NLRP12: variants seen among roughly 807,000 people sequenced by gnomAD.
NLRP12 encodes NACHT, LRR and PYD domains-containing protein 12.
In NLRP12, 108 loss-of-function variants were observed where a neutral mutation model predicts 91.2. That is an observed-to-expected ratio of 1.18 (90% confidence interval 1.01 to 1.39). The LOEUF (loss-of-function observed/expected upper bound fraction) is 1.39, where lower values mean the gene tolerates loss of function less well. Ranked by LOEUF, NLRP12 falls within the 40% of genes most tolerant of loss-of-function variation. The pLI is 0.00. For missense variants in NLRP12, 1,530 were observed against 1,352.7 expected, an observed-to-expected ratio of 1.13 and a Z score of -2.06; for synonymous variants, 613 against 566.7, an observed-to-expected ratio of 1.08 and a Z score of -1.16.
intron 1 of NLRP12, among the ~76,000 whole-genome samples, chr19:53,823,491 T>C (rs370751503): frequency 0.092 from 6,782 of 73,786 alleles, 433 homozygotes; most frequent in Non-Finnish European, 0.11. Flanking sequence ...TATTTTAAAA[T>C]ATATTTATTT....
chr19:53,824,196 G>A lies in NLRP12; in HGVS notation c.-22C>T, dbSNP rs915033946. 1 of 1,612,642 alleles carries A rather than the reference G, an allele frequency of 6.2e-7. No individual in the cohort carries two copies. Among genetic ancestry groups the A allele is most frequent in the Non-Finnish European group, 8.5e-7 (1 of 1,179,804 alleles). On this transcript the variant is annotated 5_prime_UTR_variant, in exon 1 of 10. Coordinates refer to ENST00000324134, the MANE Select transcript of NLRP12 (RefSeq NM_144687.4). ...GCATGGGGGTGCCGTGAGCCCCAAA[G>A]GAGAGGACCTGGAGGCTGAGATGCT...
rs1418495574 is a variant in NLRP12, at chr19:53,795,194, C to A, written c.3098+665G>T. 2.6e-5 allele frequency among the ~76,000 whole-genome samples: 4 copies of A among 151,846 alleles called. No homozygotes were observed. In the South Asian group the frequency reaches 8.3e-4, roughly 32 times the overall value. On this transcript the variant is annotated intron_variant, in intron 9 of 9. Transcript: ENST00000324134. The stretch of plus-strand genomic sequence containing the variant: ...AAAGTACTGGGATTACAGGCGCCAT[C>A]CCCTGCACCCAGCCTAAACTTTGAT...
Position 53,818,102 on chromosome 19 carries a change from G to A in NLRP12, c.290-3114C>T, listed in dbSNP as rs992443781. ...TGGTTGGCAATTTTTTTTTTTTTTT[G>A]AGAGAGGGTCTTGCTCTGTTGCTCA... is the stretch of plus-strand genomic sequence containing the variant. On this transcript the variant is annotated intron_variant, in intron 1 of 9. Transcript: ENST00000324134. Among the ~76,000 whole-genome samples, 19 of 102,134 alleles carry A rather than the reference G, an allele frequency of 1.9e-4. 1 individual carries two copies. In the East Asian group the frequency reaches 2.9e-3, roughly 16 times the overall value. 67.0% of individuals were successfully genotyped at this position (102,134 alleles called of 152,430 possible). A position where few individuals can be genotyped will look rare whatever the true frequency, so the allele number is the denominator to read the frequency against.
At chr19:53,819,570 TGC>T (rs1491008263) in intron 1 of NLRP12, among the ~76,000 whole-genome samples, 1 of 90,962 alleles carries the variant, frequency 1.1e-5, no homozygotes. Flanking sequence ...CGTATATATA[TGC>T]GTATATATGT....
chr19:53,797,365 T>C (rs8103808), intron 8 of NLRP12, among the ~76,000 whole-genome samples: 49,023 of 151,778 alleles, frequency 0.32, 8,560 homozygotes, highest in African/African-American at 0.47. Flanking sequence ...CCTCATGATC[T>C]GTCCGCCTTG....
At chr19:53,812,368 G>A (rs1046798631) in intron 2 of NLRP12, among the ~76,000 whole-genome samples, 1 of 147,710 alleles carries the variant, frequency 6.8e-6, no homozygotes, top group Non-Finnish European at 1.5e-5. Flanking sequence ...GTAAGAGATC[G>A]CCCCACTGCA....
Position 53,807,604 on chromosome 19 carries a change from T to C in NLRP12, c.2134A>G (p.Asn712Asp), listed in dbSNP as rs763101445. ...SEHLAAALCT[N>D]PNLIELSLYR... The stretch of plus-strand genomic sequence containing the variant: ...AGAGACAGCTCTATCAGGTTTGGAT[T>C]GGTGCACAGGGCCGCTGCCAGATGT... Residue 712 changes from asparagine (N) to aspartate (D), a missense_variant, in exon 4 of 10, where the codon AAT becomes GAT. Asn to Asp is a conservative substitution (Grantham distance 23). Coordinates refer to ENST00000324134, the MANE Select transcript of NLRP12 (RefSeq NM_144687.4). 2 of 1,614,162 alleles carry C rather than the reference T, an allele frequency of 1.2e-6. No homozygotes were observed. The highest frequency in any genetic ancestry group is 2.2e-5 in the South Asian group (2 of 91,088).
At position 53,798,304 on chromosome 19, in the gene NLRP12, A is replaced by C; in HGVS notation, c.2866T>G (p.Trp956Gly). 1 of 1,614,138 alleles carries C rather than the reference A, an allele frequency of 6.2e-7. No individual in the cohort carries two copies. The highest frequency in any genetic ancestry group is 8.5e-7 in the Non-Finnish European group (1 of 1,180,042). ...LDLSFNDLGDWGLWLLAEGLQ... is the reference protein window; with the variant it reads ...LDLSFNDLGDGGLWLLAEGLQ... ...CCCTCAGCCAGCAACCACAGGCCCC[A>C]GTCTCCCAGGTCGTTGAAACTCAAG... The change falls in exon 8 of 10, where the codon TGG (tryptophan) becomes GGG (glycine). Residue 956 changes from tryptophan (W) to glycine (G), a missense_variant. Transcript: ENST00000324134.
intron 1 of NLRP12, among the ~76,000 whole-genome samples, chr19:53,816,573 G>A (rs1251837537): frequency 2.6e-5 from 4 of 152,074 alleles, no homozygotes; most frequent in African/African-American, 9.7e-5. Flanking sequence ...CCAGGCTGGA[G>A]TGCAGTGGCG....
chr19:53,811,302 A>C lies in NLRP12; in HGVS notation c.371-14T>G. 3.1e-6 allele frequency: 5 copies of C among 1,613,468 alleles called. No individual in the cohort carries two copies. Among genetic ancestry groups the C allele is most frequent in the Non-Finnish European group, 4.2e-6 (5 of 1,180,008 alleles). On this transcript the variant is annotated splice_polypyrimidine_tract_variant and intron_variant, in intron 2 of 9. Transcript: ENST00000324134. ...TTTCCTGGGGATCTAGGGGAGAGGA[A>C]TGAAGGTTTTGTGGAAGACTCATCA...
At chr19:53,811,862 G>A (rs1019108506) in intron 2 of NLRP12, among the ~76,000 whole-genome samples, 8 of 152,050 alleles carry the variant, frequency 5.3e-5, no homozygotes, top group African/African-American at 1.9e-4. Context: ...ACTGTGTCCA[G>A]CCCCACAAAG....
intron 2 of NLRP12, among the ~76,000 whole-genome samples, chr19:53,812,908 T>C (rs1389453735): frequency 2.2e-5 from 3 of 135,754 alleles, no homozygotes; most frequent in Non-Finnish European, 4.7e-5. Context: ...TGAGACAGAG[T>C]GTTGCTCTGT....
chr19:53,795,932 C>A lies in NLRP12; in HGVS notation c.3025G>T (p.Ala1009Ser), dbSNP rs1256306834. 3.1e-6 allele frequency: 5 copies of A among 1,614,000 alleles called. No individual in the cohort carries two copies. The highest frequency in any genetic ancestry group is 1.6e-4 in the Middle Eastern group (1 of 6,084). ...TLTDLYLTNNALGDTGVRLLC... is the reference protein window; with the variant it reads ...TLTDLYLTNNSLGDTGVRLLC... ...AGTCGGACACCTGTGTCCCCTAGGGCGTTGTTGGTCAGGTAAAGGTCGGTC... is the reference window on the plus strand; with the variant it reads ...AGTCGGACACCTGTGTCCCCTAGGGAGTTGTTGGTCAGGTAAAGGTCGGTC... The change falls in exon 9 of 10, where the codon GCC becomes TCC. Residue 1009 changes from alanine (A) to serine (S), a missense_variant. By Grantham distance (99) the Ala-to-Ser change is moderately conservative. Transcript: ENST00000324134.
intron 2 of NLRP12, among the ~76,000 whole-genome samples, chr19:53,813,430 T>C (rs754023298): frequency 3.3e-5 from 5 of 151,012 alleles, no homozygotes; most frequent in Non-Finnish European, 5.9e-5. Flanking sequence ...GCCTCCCAAG[T>C]AGCTCAGACT....
At chr19:53,796,082 T>A in intron 8 of NLRP12, 53 bp from the exon 9 acceptor site, 1 of 1,550,912 alleles carries the variant, frequency 6.4e-7, no homozygotes, top group South Asian at 1.1e-5. Flanking sequence ...CTTATGTTAT[T>A]CGGAGGCAGT....
chr19:53,795,120 G>C (rs62143162), intron 9 of NLRP12, among the ~76,000 whole-genome samples: 51,805 of 150,360 alleles, frequency 0.34, 9,335 homozygotes, highest in African/African-American at 0.45. Context: ...GTGTGTGTGT[G>C]TGTGTGTGTG....
intron 3 of NLRP12, chr19:53,808,773 T>C (rs1434499101): frequency 6.6e-6 from 1 of 152,150 alleles, no homozygotes; most frequent in Non-Finnish European, 1.5e-5. Flanking sequence ...ATGGGTGTTG[T>C]TTAGTCTTTG....
chr19:53,813,359 G>T (rs1169027688), intron 2 of NLRP12, among the ~76,000 whole-genome samples: 1 of 138,028 alleles, frequency 7.2e-6, no homozygotes. Context: ...CTGGAGTGCG[G>T]CGGCACGATT....
Position 53,801,300 on chromosome 19 carries a change from C to T in NLRP12, c.2683G>A (p.Glu895Lys), listed in dbSNP as rs575519320. 1.4e-5 allele frequency: 23 copies of T among 1,614,004 alleles called. No individual in the cohort carries two copies. In the African/African-American group the frequency reaches 2.7e-4, roughly 19 times the overall value. ...SLRELDLSLN[E>K]LGDLGVLLLC... ...AGCAGCACCCCGAGGTCCCCCAGCT[C>T]ATTCAGGCTCAGGTCCAGCTCTCTC... The change falls in exon 7 of 10, where the codon GAG (glutamate) becomes AAG (lysine). Residue 895 changes from glutamate (E) to lysine (K), a missense_variant. Coordinates refer to ENST00000324134, the MANE Select transcript of NLRP12 (RefSeq NM_144687.4).
Sources: allele counts gnomAD v4.1 joint callset (sites outside exome capture counted in the v4.1 genomes callset), GRCh38; gene constraint gnomAD v4.1.1; transcripts MANE v1.5; gene names NCBI Gene and HGNC (gene_info 2026-07-23, HGNC 2026-07-21).